The following KCNIP1 variants were observed in gnomAD, a reference collection of about 807,000 sequenced individuals.
KCNIP1 encodes potassium voltage-gated channel interacting protein 1.
A neutral mutation model predicts 33.0 loss-of-function variants in KCNIP1; 18 were observed. The ratio of observed to expected loss-of-function variants is 0.55; its 90% CI spans 0.38 to 0.81. The LOEUF is 0.81. Among genes scored for constraint, KCNIP1 ranks in the 30% least tolerant of loss-of-function variants. The pLI is 0.00. For missense variants in KCNIP1, 238 were observed against 271.6 expected (o/e 0.88, Z 0.87); for synonymous variants, 93 against 98.3 (o/e 0.95, Z 0.32).
intron 1 of KCNIP1, among the ~76,000 whole-genome samples, chr5:170,408,827 GC>G: frequency 6.6e-6 from 1 of 152,332 alleles, no homozygotes; most frequent in South Asian, 2.1e-4. Flanking sequence ...CAGAGTGAAG[GC>G]TCAGTCAGGC....
chr5:170,465,242 A>G (rs1282443205), intron 1 of KCNIP1, among the ~76,000 whole-genome samples: 1 of 152,194 alleles, frequency 6.6e-6, no homozygotes, highest in African/African-American at 2.4e-5. Context: ...AGATCCTACA[A>G]TATATCCATT....
At chr5:170,597,804 T>TG (rs1188125695) in intron 1 of KCNIP1, among the ~76,000 whole-genome samples, 48 of 2,284 alleles carry the variant, frequency 0.021, 4 homozygotes, top group African/African-American at 0.025. Context: ...TATATATATA[T>TG]ATATATATAT....
rs368091862 is a variant in KCNIP1, at chr5:170,428,591, C to T, written c.88+74627C>T. Among the ~76,000 whole-genome samples, 21 of 152,234 alleles carry T rather than the reference C, an allele frequency of 1.4e-4. No homozygotes were observed. In the South Asian group the frequency reaches 3.5e-3, roughly 26 times the overall value. The stretch of plus-strand genomic sequence containing the variant: ...AGCTCCGTTATGTCCAGGCTCTGGG[C>T]GGTTTCTGGGATTCTGTCTGCTGTC... On this transcript the variant is annotated intron_variant, in intron 1 of 7. Coordinates refer to the KCNIP1 transcript ENST00000377360.
At chr5:170,450,607 A>AC (rs1357171586) in intron 1 of KCNIP1, among the ~76,000 whole-genome samples, 4 of 151,806 alleles carry the variant, frequency 2.6e-5, no homozygotes, top group Non-Finnish European at 4.4e-5. Context: ...ATCCACCCAC[A>AC]CCCCTCATTC....
intron 1 of KCNIP1, among the ~76,000 whole-genome samples, chr5:170,610,617 A>G (rs1356984119): frequency 2.6e-5 from 4 of 152,152 alleles, no homozygotes; most frequent in Non-Finnish European, 5.9e-5. Context: ...ACCTTGGCCA[A>G]TTCCCTTAAT....
chr5:170,367,314 CA>C (rs529934527), intron 1 of KCNIP1, among the ~76,000 whole-genome samples: 2 of 98,184 alleles, frequency 2.0e-5, no homozygotes, highest in Admixed American at 1.2e-4. Context: ...AACTCCGTCT[CA>C]AAAAAAAAGA....
rs181426767 is a variant in KCNIP1 at position 170,693,139 on chromosome 5, A to T, written c.62-25619A>T. On this transcript the variant is annotated intron_variant, in intron 1 of 7. Transcript: ENST00000328939. ...GGAAATGCCCAGCCCAGAATTGGGG[A>T]TGTGGTCTGGGAACCCAGGTCTCCC... is the stretch of plus-strand genomic sequence containing the variant. 7.8e-4 allele frequency among the ~76,000 whole-genome samples: 119 copies of T among 152,304 alleles called. 1 individual carries two copies. The highest frequency in any genetic ancestry group is 1.3e-3 in the Non-Finnish European group (89 of 68,028).
chr5:170,385,433 C>G (rs1485828201), intron 1 of KCNIP1: 1 of 1,614,054 alleles, frequency 6.2e-7, no homozygotes, highest in Non-Finnish European at 8.5e-7. Flanking sequence ...GGGCCATCAC[C>G]AGCTTCTTCA....
intron 1 of KCNIP1, among the ~76,000 whole-genome samples, chr5:170,672,605 T>C (rs1404421944): frequency 6.6e-6 from 1 of 152,268 alleles, no homozygotes; most frequent in Admixed American, 6.5e-5. Flanking sequence ...TAAATAATAA[T>C]AGCATTGAGA....
intron 1 of KCNIP1, among the ~76,000 whole-genome samples, chr5:170,425,468 G>A (rs940424030): frequency 5.3e-5 from 8 of 152,174 alleles, no homozygotes; most frequent in South Asian, 4.1e-4. Context: ...GAGGCAGAGA[G>A]CTGCTGGAGA....
At chr5:170,574,805 A>C (rs2113498584) in intron 1 of KCNIP1, among the ~76,000 whole-genome samples, 1 of 152,262 alleles carries the variant, frequency 6.6e-6, no homozygotes, top group African/African-American at 2.4e-5. Context: ...GGACCACACC[A>C]GTTCACTTCA....
chr5:170,501,234 G>A (rs528693570), upstream of KCNIP1, among the ~76,000 whole-genome samples: 22 of 152,310 alleles, frequency 1.4e-4, no homozygotes, highest in South Asian at 4.6e-3. Flanking sequence ...GACATCTGCA[G>A]TAGATATTCC....
intron 1 of KCNIP1, among the ~76,000 whole-genome samples, chr5:170,670,169 C>G (rs1013205487): frequency 6.6e-6 from 1 of 152,096 alleles, no homozygotes; most frequent in African/African-American, 2.4e-5. Flanking sequence ...GATCGAAAGG[C>G]CAGGTTCCAG....
At chr5:170,438,537 G>T (rs1479157115) in intron 1 of KCNIP1, among the ~76,000 whole-genome samples, 1 of 152,056 alleles carries the variant, frequency 6.6e-6, no homozygotes, top group East Asian at 1.9e-4. Flanking sequence ...GCCTTTGCAA[G>T]GCTGCTCTTG....
intron 1 of KCNIP1, among the ~76,000 whole-genome samples, chr5:170,456,613 G>A (rs1391000584): frequency 6.6e-6 from 1 of 151,944 alleles, no homozygotes; most frequent in Admixed American, 6.6e-5. Context: ...TGAAATTGAG[G>A]ACAGAAAAAC....
chr5:170,480,344 G>GT (rs1382263600), intron 1 of KCNIP1, among the ~76,000 whole-genome samples: 28 of 151,338 alleles, frequency 1.9e-4, no homozygotes, highest in African/African-American at 6.6e-4. Flanking sequence ...AACTGATAAA[G>GT]TGTCTCCCAA....
intron 1 of KCNIP1, among the ~76,000 whole-genome samples, chr5:170,549,485 T>C (rs1399940367): frequency 6.6e-6 from 1 of 152,200 alleles, no homozygotes; most frequent in African/African-American, 2.4e-5. Flanking sequence ...CTGGCATTTA[T>C]GCAACTAATT....
At chr5:170,607,641 A>G (rs922563349) in intron 1 of KCNIP1, among the ~76,000 whole-genome samples, 1 of 152,210 alleles carries the variant, frequency 6.6e-6, no homozygotes, top group African/African-American at 2.4e-5. Context: ...CTTCTCACGA[A>G]GGGTTCATCC....
At chr5:170,531,102 T>C (rs1462275812) in intron 1 of KCNIP1, among the ~76,000 whole-genome samples, 1 of 152,132 alleles carries the variant, frequency 6.6e-6, no homozygotes, top group African/African-American at 2.4e-5. Flanking sequence ...CCCCTGAAGC[T>C]TGTGGGTTTA....
Sources: gnomAD v4.1 joint callset for allele counts (sites outside exome capture counted in the v4.1 genomes callset) on GRCh38, gnomAD v4.1.1 for gene constraint, MANE v1.5 for transcripts, NCBI Gene and HGNC (gene_info 2026-07-23, HGNC 2026-07-21) for gene names.